The following KAT6A variants were observed in gnomAD, a reference collection of about 807,000 sequenced individuals.
KAT6A encodes the protein lysine acetyltransferase 6A.
In KAT6A, 9 loss-of-function variants were observed where a neutral mutation model predicts 198.4. The ratio of observed to expected loss-of-function variants is 0.05; its 90% CI spans 0.03 to 0.08. The LOEUF (loss-of-function observed/expected upper bound fraction) is 0.08, where lower values mean the gene tolerates loss of function less well. Ranked by LOEUF, KAT6A falls within the 10% of genes least tolerant of loss-of-function variation. The probability of loss-of-function intolerance (pLI) is 1.00; values close to 1 mark genes in which losing one functional copy is unlikely to be tolerated. For missense variants in KAT6A, 2,077 were observed against 2,509.9 expected, an observed-to-expected ratio of 0.83 and a Z score of 3.69; for synonymous variants, 890 against 883.0, an observed-to-expected ratio of 1.01 and a Z score of -0.14.
chr8:41,950,007 A>G (rs1230484597), intron 9 of KAT6A, among the ~76,000 whole-genome samples: 1 of 152,188 alleles, frequency 6.6e-6, no homozygotes, highest in Admixed American at 6.5e-5. Flanking sequence ...CATCTATGGT[A>G]TACAATATTG....
In KAT6A at chr8:41,943,819, C is replaced by T. The variant is rs772293046; in HGVS notation, c.2157G>A (p.Leu719=). 2 of 1,613,818 alleles carry T rather than the reference C, an allele frequency of 1.2e-6. No homozygotes were observed. The highest frequency in any genetic ancestry group is 1.7e-6 in the Non-Finnish European group (2 of 1,179,992). The change falls in exon 13 of 17, where the codon TTG becomes TTA. Residue 719 remains leucine (L), a synonymous_variant. Coordinates refer to ENST00000265713, the MANE Select transcript of KAT6A (RefSeq NM_006766.5). ...TGATGTCTTGAGGGCAGATTCCAGT[C>T]AACTTGCTTAACTTCTTAATGCTGA... ...KQISIKKLSK[L]TGICPQDITS...
intron 2 of KAT6A, among the ~76,000 whole-genome samples, chr8:42,000,077 T>C (rs959242548): frequency 6.6e-6 from 1 of 152,224 alleles, no homozygotes; most frequent in Non-Finnish European, 1.5e-5. Context: ...TCATTAAAAT[T>C]TCCTGTGGCC....
chr8:41,993,767 CT>C (rs1275736990), intron 2 of KAT6A, among the ~76,000 whole-genome samples: 1 of 152,316 alleles, frequency 6.6e-6, no homozygotes, highest in East Asian at 1.9e-4. Context: ...TCAAATAGCA[CT>C]GCTAATCAGT....
intron 3 of KAT6A, 118 bp downstream of exon 3, chr8:41,987,337 T>C: frequency 3.1e-6 from 2 of 654,508 alleles, no homozygotes; most frequent in Non-Finnish European, 5.5e-6. Flanking sequence ...TCCCCCATAA[T>C]TAAAAGATGT....
At chr8:42,037,448 T>C (rs1003032463) in intron 2 of KAT6A, among the ~76,000 whole-genome samples, 5 of 152,146 alleles carry the variant, frequency 3.3e-5, no homozygotes, top group African/African-American at 1.2e-4. Flanking sequence ...TCTAGAAAAC[T>C]CAGGAGTTAA....
At chr8:41,941,533 A>G in intron 14 of KAT6A, 89 bp from the exon 15 acceptor site, 1 of 1,350,272 alleles carries the variant, frequency 7.4e-7, no homozygotes, top group Admixed American at 2.4e-5. Flanking sequence ...TATTGAGAGA[A>G]GAAAAGGAAA....
intron 2 of KAT6A, among the ~76,000 whole-genome samples, chr8:42,011,667 G>A (rs950217427): frequency 2.6e-5 from 4 of 151,970 alleles, no homozygotes; most frequent in African/African-American, 4.8e-5. Context: ...TTGAACCCAG[G>A]AAGCAGAGGT....
chr8:42,019,030 A>C (rs1338954276), intron 2 of KAT6A, among the ~76,000 whole-genome samples: 5 of 152,254 alleles, frequency 3.3e-5, no homozygotes, highest in African/African-American at 4.8e-5. Context: ...AAGAGGCAAC[A>C]GCATCTGGTT....
intron 2 of KAT6A, among the ~76,000 whole-genome samples, chr8:42,015,683 A>G (rs1303420331): frequency 6.6e-6 from 1 of 152,214 alleles, no homozygotes; most frequent in African/African-American, 2.4e-5. Context: ...ATGTTGAAGG[A>G]TATTTTTCAT....
At chr8:41,965,892 G>A (rs929841828) in intron 8 of KAT6A, among the ~76,000 whole-genome samples, 5 of 152,046 alleles carry the variant, frequency 3.3e-5, no homozygotes, top group African/African-American at 7.2e-5. Context: ...TAGGTGGGGC[G>A]ATGTTTACTG....
chr8:41,986,342 C>A (rs1393586673), intron 3 of KAT6A, among the ~76,000 whole-genome samples: 2 of 152,170 alleles, frequency 1.3e-5, no homozygotes, highest in East Asian at 3.8e-4. Context: ...ACATTGCTCG[C>A]TAGACTGCAG....
In KAT6A at chr8:41,977,084, T is replaced by C. The variant is rs745782760; in HGVS notation, c.1287A>G (p.Glu429=). ...GATATTGCTCAGAGTAGTCCACCAC[T>C]TCCCCCCGAGCTTTCCGCCCATCAG... is the stretch of plus-strand genomic sequence containing the variant. ...PSPDGRKARG[E]VVDYSEQYRI... The change falls in exon 7 of 17, where the codon GAA becomes GAG. Residue 429 remains glutamate (E), a synonymous_variant. Coordinates refer to ENST00000265713, the MANE Select transcript of KAT6A (RefSeq NM_006766.5). 5.0e-6 allele frequency: 8 copies of C among 1,614,206 alleles called. No individual in the cohort carries two copies. The highest frequency in any genetic ancestry group is 2.2e-5 in the East Asian group (1 of 44,890).
chr8:41,958,372 C>T (rs34288740), intron 8 of KAT6A: 36,309 of 151,980 alleles, frequency 0.24, 5,093 homozygotes, highest in Middle Eastern at 0.43. Context: ...AAAAATAAGC[C>T]TCAGATAAGC....
intron 13 of KAT6A, 85 bp downstream of exon 13, chr8:41,943,663 C>T: frequency 1.2e-6 from 1 of 805,492 alleles, no homozygotes; most frequent in South Asian, 1.6e-5. Context: ...TAGTTAATGC[C>T]CTTTCATCAA....
In KAT6A at chr8:41,943,813, T is replaced by A; in HGVS notation, c.2163A>T (p.Gly721=). ...TGGAAGTGATGTCTTGAGGGCAGAT[T>A]CCAGTCAACTTGCTTAACTTCTTAA... ...ISIKKLSKLT[G]ICPQDITSTL... is the part of the protein sequence containing the mutation. Residue 721 remains glycine, a synonymous_variant, in exon 13 of 17, where the codon GGA becomes GGT. Transcript: ENST00000265713. The A allele has an allele frequency of 6.2e-7, 1 of 1,613,974 alleles. No individual in the cohort carries two copies. Among genetic ancestry groups the A allele is most frequent in the East Asian group, 2.2e-5 (1 of 44,852 alleles).
At chr8:41,938,878 G>GT (rs1821969791) in intron 15 of KAT6A, among the ~76,000 whole-genome samples, 1 of 151,316 alleles carries the variant, frequency 6.6e-6, no homozygotes, top group Non-Finnish European at 1.5e-5. Flanking sequence ...ATCCCAGGAG[G>GT]TGGAGGTTGC....
At chr8:42,031,898 T>C (rs1442254247) in intron 2 of KAT6A, among the ~76,000 whole-genome samples, 1 of 151,364 alleles carries the variant, frequency 6.6e-6, no homozygotes, top group Non-Finnish European at 1.5e-5. Flanking sequence ...CCCAAAGTCC[T>C]AGGATTACAG....
At chr8:41,989,640 C>G (rs1446133471) in intron 2 of KAT6A, among the ~76,000 whole-genome samples, 1 of 152,004 alleles carries the variant, frequency 6.6e-6, no homozygotes. Flanking sequence ...CAATATAATA[C>G]AGAGAGATCT....
At chr8:42,028,065 C>T (rs974077672) in intron 2 of KAT6A, among the ~76,000 whole-genome samples, 12 of 152,092 alleles carry the variant, frequency 7.9e-5, no homozygotes, top group Non-Finnish European at 1.5e-4. Context: ...TTCCAAAGTT[C>T]CTCTTCTTCT....
Sources: allele counts gnomAD v4.1 joint callset (sites outside exome capture counted in the v4.1 genomes callset), GRCh38; gene constraint gnomAD v4.1.1; transcripts MANE v1.5; gene names NCBI Gene and HGNC (gene_info 2026-07-23, HGNC 2026-07-21).